PCID2: variants seen among roughly 807,000 people sequenced by gnomAD.
The protein encoded by PCID2 is PCI domain-containing protein 2.
Under a neutral mutation model 61.3 loss-of-function variants are expected in PCID2, and 41 were observed. That is an observed-to-expected ratio of 0.67 (90% CI 0.52 to 0.87). PCID2 has a LOEUF of 0.87. PCID2 is among the 40% of genes least tolerant of loss of function. PCID2 has a pLI of 0.00. For synonymous variants in PCID2, 187 were observed against 177.8 expected (o/e 1.05, Z -0.41); for missense variants, 392 against 493.4 (o/e 0.79, Z 1.95).
At chr13:113,206,848 C>T (rs1216509339) in intron 1 of PCID2, among the ~76,000 whole-genome samples, 1 of 152,226 alleles carries the variant, frequency 6.6e-6, no homozygotes, top group African/African-American at 2.4e-5. Flanking sequence ...CCATCCTGGG[C>T]CCAGCCCCTG....
the PCID2 span, chr13:113,171,605 A>G: frequency 6.2e-7 from 1 of 1,614,128 alleles, no homozygotes; most frequent in South Asian, 1.1e-5. This position sits in a 1 kb window ranked among gnomAD's most constrained non-coding sequence, Gnocchi z 5.1. Flanking sequence ...TTTTAACAGA[A>G]CGAGCCAAGA....
chr13:113,189,771 C>T (rs547059297), intron 7 of PCID2, among the ~76,000 whole-genome samples: 1 of 150,690 alleles, frequency 6.6e-6, no homozygotes, highest in African/African-American at 2.4e-5. Context: ...GCCTATAATC[C>T]CAGCACTTTG....
At chr13:113,187,457 G>A (rs2038218767) in intron 7 of PCID2, 1 of 152,170 alleles carries the variant, frequency 6.6e-6, no homozygotes, top group South Asian at 2.1e-4. Context: ...CGAGGCTCCA[G>A]TCTCCCTGCA....
At chr13:113,170,386 A>G in the PCID2 span, 14 of 1,374,204 alleles carry the variant, frequency 1.0e-5, no homozygotes, top group African/African-American at 7.1e-5. Context: ...GTCACCAGCT[A>G]TTTATTGTCT....
At chr13:113,173,145 A>G (rs1168106236), downstream of PCID2, among the ~76,000 whole-genome samples, 1 of 152,188 alleles carries the variant, frequency 6.6e-6, no homozygotes, top group Non-Finnish European at 1.5e-5. Context: ...CCCAGCCCCC[A>G]GATCTGTGAG....
chr13:113,201,144 TATAAA>T (rs1313703724), intron 1 of PCID2, among the ~76,000 whole-genome samples: 2 of 151,742 alleles, frequency 1.3e-5, no homozygotes, highest in African/African-American at 4.9e-5. Context: ...TCAACCTTAA[TATAAA>T]ATAAAAGGAA....
intron 6 of PCID2, among the ~76,000 whole-genome samples, chr13:113,191,316 G>A (rs2038599168): frequency 6.6e-6 from 1 of 152,026 alleles, no homozygotes; most frequent in South Asian, 2.1e-4. Context: ...TTACAGGCAT[G>A]AGCCATTGTG....
intron 1 of PCID2, among the ~76,000 whole-genome samples, chr13:113,205,205 T>C (rs2039720677): frequency 6.6e-6 from 1 of 152,198 alleles, no homozygotes; most frequent in Non-Finnish European, 1.5e-5. Flanking sequence ...AACTCAAAGC[T>C]GATTCCCTAA....
At chr13:113,190,833 C>G in intron 7 of PCID2, 39 bp downstream of exon 7, 1 of 1,293,166 alleles carries the variant, frequency 7.7e-7, no homozygotes, top group Middle Eastern at 1.8e-4. Context: ...AAAACACCAC[C>G]AACAGCGTCT....
At chr13:113,192,628 T>C (rs1307506621) in intron 6 of PCID2, among the ~76,000 whole-genome samples, 4 of 152,188 alleles carry the variant, frequency 2.6e-5, no homozygotes, top group African/African-American at 7.2e-5. Flanking sequence ...TTTTATGAAC[T>C]ACTGTGAGCT....
intron 6 of PCID2, among the ~76,000 whole-genome samples, chr13:113,191,970 C>T (rs910286578): frequency 1.3e-5 from 2 of 152,164 alleles, no homozygotes; most frequent in African/African-American, 2.4e-5. Context: ...AAAATGTCCT[C>T]GATGAGCCAA....
intron 1 of PCID2, among the ~76,000 whole-genome samples, chr13:113,204,650 G>A (rs2039672131): frequency 6.6e-6 from 1 of 152,164 alleles, no homozygotes; most frequent in Non-Finnish European, 1.5e-5. Flanking sequence ...CCCAAGGAGG[G>A]CCCCAGCTTG....
rs1862908790 is a variant in PCID2 at position 113,204,816 on chromosome 13, A to C, written c.36+3783T>G. 4.6e-5 allele frequency among the ~76,000 whole-genome samples: 7 copies of C among 152,286 alleles called. 2 individuals are homozygous for C. The South Asian group carries it at 1.4e-3, about 32-fold the overall frequency. ...AGGTGCGACTGGCGCCGCAGTGGAC[A>C]CAGGACCCCTAGCAGCCCAGCCACC... On this transcript the variant is annotated intron_variant, in intron 1 of 13. Coordinates refer to ENST00000337344, the MANE Select transcript of PCID2 (RefSeq NM_001127202.4).
At chr13:113,202,870 G>C (rs1161772334) in intron 1 of PCID2, among the ~76,000 whole-genome samples, 1 of 152,090 alleles carries the variant, frequency 6.6e-6, no homozygotes, top group Non-Finnish European at 1.5e-5. Flanking sequence ...AAATAAAATA[G>C]AAAGACAAAC....
chr13:113,165,049 G>A, the PCID2 span: 1 of 1,613,408 alleles, frequency 6.2e-7, no homozygotes, highest in Non-Finnish European at 8.5e-7. Context: ...TGCCGCAAAT[G>A]CAGACCAGTG....
chr13:113,171,391 T>C, the PCID2 span, among the ~76,000 whole-genome samples: 1 of 152,324 alleles, frequency 6.6e-6, no homozygotes, highest in Admixed American at 6.5e-5. This position sits in a 1 kb window ranked among gnomAD's most constrained non-coding sequence, Gnocchi z 5.1. Flanking sequence ...TTAAAGGCTG[T>C]GGCACTTGGT....
intron 2 of PCID2, among the ~76,000 whole-genome samples, chr13:113,199,610 G>A: frequency 6.6e-6 from 1 of 152,168 alleles, no homozygotes; most frequent in Non-Finnish European, 1.5e-5. Context: ...AGGACAGTGT[G>A]TGTCCTCTCA....
In PCID2 at chr13:113,177,849, TAC is replaced by T. The variant is rs1030224204; in HGVS notation, c.*347_*348del. ...GTGTATAAATTCAGAATACGCTTTT[TAC>T]ACAAAGAACTACAAAAAGTTACAAA... is the stretch of plus-strand genomic sequence containing the variant. On this transcript the variant is annotated 3_prime_UTR_variant, in exon 14 of 14. Transcript: ENST00000337344. The T allele has an allele frequency of 5.6e-6, 1 of 177,212 alleles. No homozygotes were observed. The highest frequency in any genetic ancestry group is 2.4e-5 in the African/African-American group (1 of 42,186). 11.0% of individuals were successfully genotyped at this position (177,212 alleles called of 1,614,324 possible).
chr13:113,204,286 G>A (rs1323668279), intron 1 of PCID2, among the ~76,000 whole-genome samples: 2 of 152,354 alleles, frequency 1.3e-5, no homozygotes, highest in South Asian at 4.1e-4. Flanking sequence ...GGCCTCCAGA[G>A]CTCTCTGCAG....
Sources: allele counts gnomAD v4.1 joint callset (sites outside exome capture counted in the v4.1 genomes callset), GRCh38; gene constraint gnomAD v4.1.1; non-coding constraint Gnocchi (gnomAD v3.1); transcripts MANE v1.5; gene names NCBI Gene and HGNC (gene_info 2026-07-23, HGNC 2026-07-21).